Variants in SYNRG observed in about 807,000 individuals in gnomAD.
SYNRG encodes the protein synergin gamma.
Under a neutral mutation model 130.9 loss-of-function variants are expected in SYNRG, and 37 were observed. The ratio of observed to expected loss-of-function variants is 0.28; its 90% CI spans 0.22 to 0.37. The LOEUF (loss-of-function observed/expected upper bound fraction) is 0.37. Among genes scored for constraint, SYNRG ranks in the 10% least tolerant of loss-of-function variants. The probability of loss-of-function intolerance (pLI) is 1.00; values close to 1 mark genes in which losing one functional copy is unlikely to be tolerated. For missense variants in SYNRG, 1,338 were observed against 1,588.9 expected, an observed-to-expected ratio of 0.84 and a Z score of 2.68; for synonymous variants, 539 against 568.1, an observed-to-expected ratio of 0.95 and a Z score of 0.73.
chr17:37,546,418 A>C (rs1230557938), intron 14 of SYNRG, among the ~76,000 whole-genome samples: 2 of 152,248 alleles, frequency 1.3e-5, no homozygotes, highest in Non-Finnish European at 2.9e-5. Context: ...TTTAATGCAT[A>C]CATCTGTTTG....
chr17:37,591,525 A>AG (rs1430500438), intron 3 of SYNRG, among the ~76,000 whole-genome samples: 1 of 152,250 alleles, frequency 6.6e-6, no homozygotes, highest in Non-Finnish European at 1.5e-5. Flanking sequence ...TTTGAAAAGA[A>AG]GAAGAATGTA....
chr17:37,600,747 G>A (rs1824074377), intron 1 of SYNRG: 5 of 370,252 alleles, frequency 1.4e-5, no homozygotes, highest in South Asian at 2.9e-5. Context: ...ATGAAATGAT[G>A]GAATCTTATA....
At chr17:37,522,554 G>A (rs1169696675) in intron 19 of SYNRG, among the ~76,000 whole-genome samples, 1 of 150,952 alleles carries the variant, frequency 6.6e-6, no homozygotes, top group Non-Finnish European at 1.5e-5. Flanking sequence ...TGCAGCCTCC[G>A]CCTCCTGGGC....
At chr17:37,601,262 T>C (rs377007844) in intron 1 of SYNRG, among the ~76,000 whole-genome samples, 1 of 152,026 alleles carries the variant, frequency 6.6e-6, no homozygotes, top group Non-Finnish European at 1.5e-5. Flanking sequence ...AGAGGCAGGG[T>C]TTCACCATGT....
At position 37,518,053 on chromosome 17, in the gene SYNRG, G is replaced by A. The variant is rs2054561718; in HGVS notation, c.*887C>T. 1 of 152,202 alleles carries A rather than the reference G, an allele frequency of 6.6e-6. No homozygotes were observed. The highest frequency in any genetic ancestry group is 1.5e-5 in the Non-Finnish European group (1 of 68,054). 9.4% of individuals were successfully genotyped at this position (152,202 alleles called of 1,614,324 possible). A position where few individuals can be genotyped will look rare whatever the true frequency, so the allele number is the denominator to read the frequency against. ...AATTAATTTTCAGGTTTTTCTCACA[G>A]ATACTGCAAAGTCAGGCAGTGTTGG... On this transcript the variant is annotated 3_prime_UTR_variant, in exon 22 of 22. Coordinates refer to ENST00000612223, the MANE Select transcript of SYNRG (RefSeq NM_007247.6).
chr17:37,539,181 G>T lies in SYNRG; in HGVS notation c.3420+11C>A, dbSNP rs748582005. 2.5e-6 allele frequency: 4 copies of T among 1,613,988 alleles called. No individual in the cohort carries two copies. In the East Asian group the frequency reaches 6.7e-5, roughly 27 times the overall value. ...CTCACATATGTGTGAACGCGTAAGT[G>T]ACATACTCACATTCAGGGCACTCCC... On this transcript the variant is annotated intron_variant, in intron 17 of 21. Coordinates refer to ENST00000612223, the MANE Select transcript of SYNRG (RefSeq NM_007247.6).
chr17:37,602,087 G>C (rs1296683668), intron 1 of SYNRG, among the ~76,000 whole-genome samples: 2 of 151,954 alleles, frequency 1.3e-5, no homozygotes, highest in African/African-American at 4.8e-5. Context: ...TGTAATCCCA[G>C]CACTTTGGGA....
rs2063322963 is a variant in SYNRG, at chr17:37,601,947, G to A, written c.78-1544C>T. On this transcript the variant is annotated intron_variant, in intron 1 of 21. Transcript: ENST00000612223. The stretch of plus-strand genomic sequence containing the variant: ...CAAAGTGCTGGGGTTACAGACATGA[G>A]CTACGGCACTTGGCCTAGGCTCTTT... Among the ~76,000 whole-genome samples the A allele has an allele frequency of 2.0e-5, 3 of 152,202 alleles. No individual in the cohort carries two copies. The South Asian group carries it at 6.2e-4, about 32-fold the overall frequency.
chr17:37,526,410 A>T (rs1203101237), intron 19 of SYNRG, among the ~76,000 whole-genome samples: 1 of 152,224 alleles, frequency 6.6e-6, no homozygotes, highest in African/African-American at 2.4e-5. Flanking sequence ...ACAAAGGGTG[A>T]TCTAGACACA....
In SYNRG at chr17:37,541,937, C is replaced by A. The variant is rs781212852; in HGVS notation, c.3202+35G>T. The stretch of plus-strand genomic sequence containing the variant: ...CATCTAACATCTCAGTGGAAAAAAA[C>A]CACAATAGTAAAATCTACCTTGGAA... On this transcript the variant is annotated intron_variant, in intron 15 of 21. Transcript: ENST00000612223. 41 of 1,572,916 alleles carry A rather than the reference C, an allele frequency of 2.6e-5. No homozygotes were observed. The Middle Eastern group carries it at 6.8e-4, about 26-fold the overall frequency.
chr17:37,602,362 G>A (rs187569336), intron 1 of SYNRG, among the ~76,000 whole-genome samples: 1 of 151,876 alleles, frequency 6.6e-6, no homozygotes, highest in Non-Finnish European at 1.5e-5. Context: ...ATTAAGCTCT[G>A]GTTGTAGATG....
chr17:37,535,542 G>GT (rs1396883317), intron 19 of SYNRG, among the ~76,000 whole-genome samples: 4 of 152,038 alleles, frequency 2.6e-5, no homozygotes, highest in African/African-American at 9.7e-5. Flanking sequence ...AGAACTACTC[G>GT]TAACAGGGAA....
intron 19 of SYNRG, among the ~76,000 whole-genome samples, chr17:37,523,570 C>T (rs753808288): frequency 2.0e-5 from 3 of 152,188 alleles, no homozygotes; most frequent in Non-Finnish European, 4.4e-5. Context: ...CACACTAGTG[C>T]GACAGAATGG....
intron 1 of SYNRG, among the ~76,000 whole-genome samples, chr17:37,604,614 G>A (rs1376736441): frequency 2.0e-5 from 3 of 152,168 alleles, no homozygotes; most frequent in African/African-American, 7.2e-5. Flanking sequence ...GTGTTTCCTG[G>A]AATAGGACTT....
chr17:37,581,625 C>T lies in SYNRG; in HGVS notation c.589+3023G>A, dbSNP rs182385420. On this transcript the variant is annotated intron_variant, in intron 6 of 21. Coordinates refer to ENST00000612223, the MANE Select transcript of SYNRG (RefSeq NM_007247.6). Reference sequence around the variant, plus strand: ...TTTTGGAGATGGAGTCTAGCTCTGTCGCCCAGGCTGGAGTGCAGTGGCACA... The same window carrying T: ...TTTTGGAGATGGAGTCTAGCTCTGTTGCCCAGGCTGGAGTGCAGTGGCACA... Among the ~76,000 whole-genome samples the T allele has an allele frequency of 5.2e-3, 788 of 151,968 alleles. 2 individuals are homozygous for T. The highest frequency in any genetic ancestry group is 8.2e-3 in the Non-Finnish European group (559 of 67,970).
At chr17:37,550,887 C>T (rs781163684) in intron 14 of SYNRG, among the ~76,000 whole-genome samples, 3 of 152,022 alleles carry the variant, frequency 2.0e-5, no homozygotes, top group African/African-American at 4.8e-5. Flanking sequence ...GCTTCAGTGC[C>T]GCAGATTAAA....
chr17:37,529,439 GA>G (rs2144250420), intron 19 of SYNRG, among the ~76,000 whole-genome samples: 1 of 150,710 alleles, frequency 6.6e-6, no homozygotes, highest in South Asian at 2.1e-4. Context: ...TCTATATCTT[GA>G]TAGAGGCATG....
chr17:37,586,300 G>A, intron 4 of SYNRG, 119 bp downstream of exon 4: 1 of 1,432,082 alleles, frequency 7.0e-7, no homozygotes, highest in Non-Finnish European at 9.3e-7. Context: ...GGCCTTAAGA[G>A]TTTTAAAGAC....
intron 6 of SYNRG, among the ~76,000 whole-genome samples, chr17:37,580,090 A>G (rs919378774): frequency 2.6e-5 from 4 of 152,168 alleles, no homozygotes; most frequent in African/African-American, 9.7e-5. Flanking sequence ...TACATCAGAT[A>G]TAAGAAAACC....
Sources: gnomAD v4.1 joint callset for allele counts (sites outside exome capture counted in the v4.1 genomes callset) on GRCh38, gnomAD v4.1.1 for gene constraint, MANE v1.5 for transcripts, NCBI Gene and HGNC (gene_info 2026-07-23, HGNC 2026-07-21) for gene names.